IL23R: variants seen among roughly 807,000 people sequenced by gnomAD.
The protein encoded by IL23R is interleukin-23 receptor.
In IL23R, 34 loss-of-function variants were observed where a neutral mutation model predicts 56.9. The ratio of observed to expected loss-of-function variants is 0.60; its 90% confidence interval spans 0.45 to 0.80. The LOEUF is 0.80. Among genes scored for constraint, IL23R ranks in the 30% least tolerant of loss-of-function variants. The pLI is 0.00. For missense variants in IL23R, 635 were observed against 730.0 expected (o/e 0.87, Z 1.50); for synonymous variants, 230 against 249.2 (o/e 0.92, Z 0.73).
chr1:67,166,555 G>A lies in IL23R; in HGVS notation c.-30+14G>A, dbSNP rs904603330. The A allele has an allele frequency of 1.3e-5, 2 of 152,324 alleles. No homozygotes were observed. Among genetic ancestry groups the A allele is most frequent in the South Asian group, 2.1e-4 (1 of 4,828 alleles). The allele number at this position is 152,324 out of a possible 1,614,324, so 9.4% of individuals were successfully genotyped here. On this transcript the variant is annotated intron_variant, in intron 1 of 10. Transcript: ENST00000347310. ...ACAGGTTGAAAGGTAAATAGGCAGC[G>A]ATCATCCAAATACTTAAAGACAGCT...
intron 9 of IL23R, among the ~76,000 whole-genome samples, chr1:67,246,468 T>C (rs1652232173): frequency 6.6e-6 from 1 of 152,228 alleles, no homozygotes; most frequent in African/African-American, 2.4e-5. Flanking sequence ...AATTTCCTTC[T>C]ACACACTGCT....
intron 9 of IL23R, among the ~76,000 whole-genome samples, chr1:67,243,574 C>T (rs1003407685): frequency 3.9e-5 from 6 of 152,028 alleles, no homozygotes; most frequent in Non-Finnish European, 7.4e-5. Flanking sequence ...GTTTTCTGTT[C>T]TTGTGTTAGT....
chr1:67,184,832 T>C (rs998069581), intron 4 of IL23R, among the ~76,000 whole-genome samples: 2 of 152,098 alleles, frequency 1.3e-5, no homozygotes, highest in Non-Finnish European at 2.9e-5. Context: ...AATTCATATG[T>C]TGAAACAAAC....
At chr1:67,144,047 C>T (rs746314904) in intron 1 of IL23R, among the ~76,000 whole-genome samples, 1 of 152,180 alleles carries the variant, frequency 6.6e-6, no homozygotes, top group Non-Finnish European at 1.5e-5. Context: ...ATAATAATGA[C>T]TTGAAATGAT....
chr1:67,206,154 C>A (rs972389247), intron 5 of IL23R, among the ~76,000 whole-genome samples: 5 of 151,020 alleles, frequency 3.3e-5, no homozygotes, highest in Non-Finnish European at 7.4e-5. Context: ...CTGGGATTGG[C>A]ACGCACCACC....
chr1:67,242,987 A>G (rs6682033), intron 9 of IL23R, among the ~76,000 whole-genome samples: 43,530 of 152,124 alleles, frequency 0.29, 7,122 homozygotes, highest in African/African-American at 0.43. Context: ...TATTGTTTAT[A>G]ACTATTTTAG....
intron 3 of IL23R, among the ~76,000 whole-genome samples, chr1:67,170,683 A>G (rs1646932297): frequency 6.6e-6 from 1 of 152,334 alleles, no homozygotes; most frequent in African/African-American, 2.4e-5. Context: ...CAGTAAAAAA[A>G]TAAAGGAATT....
At chr1:67,183,077 C>G in intron 4 of IL23R, 118 bp downstream of exon 4, 1 of 1,135,906 alleles carries the variant, frequency 8.8e-7, no homozygotes, top group Admixed American at 2.0e-5. Context: ...CCTGATTTAT[C>G]CCTTATTTCC....
chr1:67,164,084 G>GA (rs568194900), upstream of IL23R, among the ~76,000 whole-genome samples: 206 of 151,900 alleles, frequency 1.4e-3, 4 homozygotes, highest in East Asian at 0.011. Context: ...CTACAGAAGG[G>GA]AAAAAAATAT....
At chr1:67,225,211 G>T (rs1007698411) in intron 7 of IL23R, among the ~76,000 whole-genome samples, 5 of 152,178 alleles carry the variant, frequency 3.3e-5, no homozygotes, top group Non-Finnish European at 2.9e-5. Context: ...AAATGCAAAC[G>T]CATGAGAAAA....
chr1:67,185,569 A>G (rs892020368), intron 4 of IL23R, among the ~76,000 whole-genome samples: 6 of 152,072 alleles, frequency 3.9e-5, no homozygotes, highest in African/African-American at 1.4e-4. Context: ...ACCAAGCCTG[A>G]TCTCTATGGA....
At position 67,258,448 on chromosome 1, in the gene IL23R, G is replaced by C. The variant is rs1009776665; in HGVS notation, c.1240-30G>C. The C allele has an allele frequency of 1.9e-6, 3 of 1,560,298 alleles. No individual in the cohort carries two copies. In the African/African-American group the frequency reaches 4.1e-5, roughly 21 times the overall value. ...CAGTTGGTTCTTTTAAATGTCTTTT[G>C]CAAAATAAAATGATGTCTTTTTTTC... On this transcript the variant is annotated intron_variant, in intron 10 of 10. Coordinates refer to ENST00000347310, the MANE Select transcript of IL23R (RefSeq NM_144701.3).
chr1:67,184,646 CT>C (rs547745841), intron 4 of IL23R, among the ~76,000 whole-genome samples: 643 of 147,512 alleles, frequency 4.4e-3, no homozygotes, highest in Middle Eastern at 0.021. Flanking sequence ...TTGAAGTATG[CT>C]TTTTTTTTTC....
downstream of IL23R, among the ~76,000 whole-genome samples, chr1:67,263,349 G>C (rs1163865298): frequency 2.0e-5 from 3 of 151,968 alleles, no homozygotes; most frequent in Non-Finnish European, 4.4e-5. Flanking sequence ...GCCTCTCAAA[G>C]TACTGGGAAT....
At position 67,258,956 on chromosome 1, in the gene IL23R, T is replaced by C. The variant is rs762798308; in HGVS notation, c.1718T>C (p.Met573Thr). The change falls in exon 11 of 11, where the codon ATG becomes ACG. Residue 573 changes from methionine (M) to threonine (T), a missense_variant. By Grantham distance (81) the Met-to-Thr change is moderately conservative (BLOSUM62 -1). Transcript: ENST00000347310. ...IQNSVEEETT[M>T]LLENDSPSET... Reference sequence around the variant, plus strand: ...AACTCAGTAGAGGAGGAAACCACCATGCTTTTGGAAAATGATTCACCCAGT... The same window carrying C: ...AACTCAGTAGAGGAGGAAACCACCACGCTTTTGGAAAATGATTCACCCAGT... The C allele has an allele frequency of 1.9e-6, 3 of 1,614,134 alleles. No individual in the cohort carries two copies. The highest frequency in any genetic ancestry group is 2.5e-6 in the Non-Finnish European group (3 of 1,180,010).
At chr1:67,155,128 T>G (rs1192222674) in intron 1 of IL23R, among the ~76,000 whole-genome samples, 1 of 152,208 alleles carries the variant, frequency 6.6e-6, no homozygotes, top group Non-Finnish European at 1.5e-5. Flanking sequence ...CCCACTCTCT[T>G]CTGGCTTGTA....
chr1:67,218,477 A>G (rs548953193), intron 6 of IL23R, among the ~76,000 whole-genome samples: 1 of 152,006 alleles, frequency 6.6e-6, no homozygotes, highest in East Asian at 1.9e-4. Context: ...ATTAGCGAGT[A>G]AAATTATTTC....
chr1:67,167,580 C>T (rs1278009881), intron 1 of IL23R, among the ~76,000 whole-genome samples: 2 of 152,068 alleles, frequency 1.3e-5, no homozygotes, highest in Admixed American at 1.3e-4. Flanking sequence ...TAGCTCAGCC[C>T]AGGCACCATG....
chr1:67,212,369 G>A (rs1197585278), intron 6 of IL23R, among the ~76,000 whole-genome samples: 2 of 152,154 alleles, frequency 1.3e-5, no homozygotes, highest in African/African-American at 4.8e-5. Context: ...AGAGGAGTGG[G>A]AGGATACCAA....
Sources: allele counts gnomAD v4.1 joint callset (sites outside exome capture counted in the v4.1 genomes callset), GRCh38; gene constraint gnomAD v4.1.1; transcripts MANE v1.5; gene names NCBI Gene and HGNC (gene_info 2026-07-23, HGNC 2026-07-21).